The following FBXW7 variants were observed in gnomAD, a reference collection of about 807,000 sequenced individuals.
The protein encoded by FBXW7 is F-box and WD repeat domain containing 7.
A neutral mutation model predicts 86.3 loss-of-function variants in FBXW7; 11 were observed. The observed-to-expected ratio is 0.13, with a 90% confidence interval of 0.08 to 0.21. FBXW7 has a LOEUF of 0.21. FBXW7 is among the 10% of genes least tolerant of loss of function. The pLI is 1.00. For synonymous variants in FBXW7, 313 were observed against 297.9 expected (o/e 1.05, Z -0.52); for missense variants, 488 against 847.4 (o/e 0.58, Z 5.27).
intron 4 of FBXW7, among the ~76,000 whole-genome samples, chr4:152,395,490 C>T (rs1006729049): frequency 4.7e-4 from 72 of 151,990 alleles, no homozygotes; most frequent in African/African-American, 1.7e-3. Flanking sequence ...TGTATTTTTC[C>T]TACATATAGA....
intron 4 of FBXW7, among the ~76,000 whole-genome samples, chr4:152,367,496 A>G (rs1733599296): frequency 6.6e-6 from 1 of 152,094 alleles, no homozygotes; most frequent in Non-Finnish European, 1.5e-5. Context: ...AAAGGGCCAA[A>G]AAGACTAAGA....
chr4:152,463,561 T>C (rs73865449), intron 2 of FBXW7, among the ~76,000 whole-genome samples: 2,704 of 152,192 alleles, frequency 0.018, 92 homozygotes, highest in African/African-American at 0.061. Context: ...GTTAAAACCA[T>C]TATCTTAAGA....
At chr4:152,491,191 CTCAG>C (rs1255606723) in intron 2 of FBXW7, among the ~76,000 whole-genome samples, 1 of 152,124 alleles carries the variant, frequency 6.6e-6, no homozygotes, top group African/African-American at 2.4e-5. Context: ...ATTATCATTT[CTCAG>C]TCATTCTCTC....
intron 8 of FBXW7, among the ~76,000 whole-genome samples, chr4:152,332,088 T>C (rs1274183015): frequency 6.6e-6 from 1 of 151,782 alleles, no homozygotes; most frequent in East Asian, 1.9e-4. Flanking sequence ...TCTGGATGTC[T>C]GCTGGGAAAA....
chr4:152,496,017 TAATTTTAA>T (rs1746308738), intron 2 of FBXW7, among the ~76,000 whole-genome samples: 1 of 152,024 alleles, frequency 6.6e-6, no homozygotes, highest in Non-Finnish European at 1.5e-5. Flanking sequence ...TCTCTACAAA[TAATTTTAA>T]AATTGGTTGG....
At chr4:152,483,751 G>A (rs1458950416) in intron 2 of FBXW7, among the ~76,000 whole-genome samples, 1 of 151,914 alleles carries the variant, frequency 6.6e-6, no homozygotes, top group Non-Finnish European at 1.5e-5. Context: ...GTGTGTGTGT[G>A]TGCACACACA....
At chr4:152,416,719 A>AT (rs1222442308) in intron 2 of FBXW7, among the ~76,000 whole-genome samples, 2 of 152,188 alleles carry the variant, frequency 1.3e-5, no homozygotes, top group East Asian at 3.8e-4. Context: ...TGTACACTGA[A>AT]TAATTTAAAT....
In FBXW7 at chr4:152,353,923, T is replaced by C. The variant is rs771443459; in HGVS notation, c.502-3799A>G. On this transcript the variant is annotated intron_variant, in intron 4 of 13. Coordinates refer to ENST00000281708, the MANE Select transcript of FBXW7 (RefSeq NM_001349798.2). ...TTATTACAAGTAAATTGTGTGCCTA[T>C]AGTTACCACTATTCGAAGTAAGTTT... 5.0e-4 allele frequency among the ~76,000 whole-genome samples: 76 copies of C among 152,176 alleles called. 1 individual carries two copies. Among genetic ancestry groups the C allele is most frequent in the Non-Finnish European group, 1.0e-4 (7 of 68,000 alleles).
rs1728663465 is a variant in FBXW7 at position 152,322,827 on chromosome 4, A to AAGGGCAGGGAGT, written c.*42_*53dup. ...TTTCTTTTTTTCTTTTTGCAGGGGG[A>AAGGGCAGGGAGT]AGGGCAGGGAGTATATCGTCTACAC... On this transcript the variant is annotated 3_prime_UTR_variant, in exon 14 of 14. Coordinates refer to ENST00000281708, the MANE Select transcript of FBXW7 (RefSeq NM_001349798.2). The AAGGGCAGGGAGT allele has an allele frequency of 6.3e-7, 1 of 1,576,334 alleles. No homozygotes were observed. Among genetic ancestry groups the AAGGGCAGGGAGT allele is most frequent in the Non-Finnish European group, 8.6e-7 (1 of 1,161,060 alleles).
At chr4:152,417,775 A>G (rs1738575481) in intron 2 of FBXW7, among the ~76,000 whole-genome samples, 1 of 152,054 alleles carries the variant, frequency 6.6e-6, no homozygotes, top group Non-Finnish European at 1.5e-5. Context: ...GAGGAACAGA[A>G]CTGCTTGACA....
intron 2 of FBXW7, among the ~76,000 whole-genome samples, chr4:152,507,323 CATATA>C (rs1747520095): frequency 6.6e-6 from 1 of 152,090 alleles, no homozygotes; most frequent in African/African-American, 2.4e-5. Flanking sequence ...ATTCCTATAT[CATATA>C]ATATTAGAAG....
chr4:152,489,168 G>A (rs553721078), intron 2 of FBXW7, among the ~76,000 whole-genome samples: 1 of 152,044 alleles, frequency 6.6e-6, no homozygotes, highest in South Asian at 2.1e-4. Flanking sequence ...AAGGCTCAAG[G>A]GTATCATGTA....
intron 4 of FBXW7, among the ~76,000 whole-genome samples, chr4:152,374,423 C>T (rs944758738): frequency 4.6e-5 from 7 of 151,942 alleles, no homozygotes; most frequent in African/African-American, 7.2e-5. Flanking sequence ...ATCTGAGTTT[C>T]GTTAAATTTA....
At chr4:152,385,562 T>C (rs1185034921) in intron 4 of FBXW7, among the ~76,000 whole-genome samples, 1 of 151,990 alleles carries the variant, frequency 6.6e-6, no homozygotes. Flanking sequence ...GTTTCTAGTT[T>C]CTAAGAGACC....
At chr4:152,331,735 T>C (rs1471893057) in intron 8 of FBXW7, among the ~76,000 whole-genome samples, 1 of 152,068 alleles carries the variant, frequency 6.6e-6, no homozygotes, top group African/African-American at 2.4e-5. Context: ...ATAAATTACA[T>C]ACATGTTATC....
intron 2 of FBXW7, among the ~76,000 whole-genome samples, chr4:152,477,460 T>G (rs73865452): frequency 0.04 from 6,156 of 152,130 alleles, 408 homozygotes; most frequent in African/African-American, 0.14. Flanking sequence ...AATGAAAATG[T>G]CTCAATCCAA....
chr4:152,352,359 C>T (rs1468994915), intron 4 of FBXW7: 11 of 1,342,878 alleles, frequency 8.2e-6, no homozygotes, highest in Non-Finnish European at 1.1e-5. Flanking sequence ...GACATCCAGC[C>T]ACCCACCAAA....
chr4:152,361,965 CAAAAAAAAA>C lies in FBXW7; in HGVS notation c.502-11850_502-11842del, dbSNP rs569330155. On this transcript the variant is annotated intron_variant, in intron 4 of 13. Transcript: ENST00000281708. ...TGGGAGACAGAGCTAGACTCCATCTCAAAAAAAAAAAAAAAAAAAAGAACAGAACAGAAC... is the reference window on the plus strand; with the variant it reads ...TGGGAGACAGAGCTAGACTCCATCTCAAAAAAAAAAAGAACAGAACAGAAC... Among the ~76,000 whole-genome samples, 189 of 37,150 alleles carry C rather than the reference CAAAAAAAAA, an allele frequency of 5.1e-3. 1 individual carries two copies. Among genetic ancestry groups the C allele is most frequent in the African/African-American group, 0.018 (178 of 9,814 alleles). 24.4% of individuals were successfully genotyped at this position (37,150 alleles called of 152,430 possible). A position where few individuals can be genotyped will look rare whatever the true frequency, so the allele number is the denominator to read the frequency against.
At chr4:152,469,368 C>T (rs992787026) in intron 2 of FBXW7, among the ~76,000 whole-genome samples, 8 of 151,962 alleles carry the variant, frequency 5.3e-5, no homozygotes, top group African/African-American at 1.7e-4. Context: ...ACTCACCTAC[C>T]TTTACTCAAA....
Sources: gnomAD v4.1 joint callset for allele counts (sites outside exome capture counted in the v4.1 genomes callset) on GRCh38, gnomAD v4.1.1 for gene constraint, MANE v1.5 for transcripts, NCBI Gene and HGNC (gene_info 2026-07-23, HGNC 2026-07-21) for gene names.